GAD2: variants seen among roughly 807,000 people sequenced by gnomAD.
The protein encoded by GAD2 is glutamate decarboxylase 2, also known as 65 kDa glutamic acid decarboxylase.
In GAD2, 22 loss-of-function variants were observed where a neutral mutation model predicts 80.1. The observed-to-expected ratio is 0.27, with a 90% CI of 0.20 to 0.39. The LOEUF is 0.39. GAD2 is among the 10% of genes least tolerant of loss of function. GAD2 has a pLI of 1.00. For synonymous variants in GAD2, 274 were observed against 256.9 expected (o/e 1.07, Z -0.64); for missense variants, 624 against 738.4 (o/e 0.85, Z 1.80).
intron 13 of GAD2, among the ~76,000 whole-genome samples, chr10:26,287,291 C>G (rs893360578): frequency 6.6e-6 from 1 of 152,028 alleles, no homozygotes; most frequent in African/African-American, 2.4e-5. Context: ...ATAGAAACTC[C>G]AATGCAAAAA....
chr10:26,258,940 A>T (rs1844976580), intron 8 of GAD2, among the ~76,000 whole-genome samples: 1 of 151,960 alleles, frequency 6.6e-6, no homozygotes, highest in South Asian at 2.1e-4. Context: ...CAGCCTCCCA[A>T]GTACTTAGCT....
intron 10 of GAD2, among the ~76,000 whole-genome samples, chr10:26,272,104 T>C (rs1845144354): frequency 6.6e-6 from 1 of 152,158 alleles, no homozygotes; most frequent in Admixed American, 6.5e-5. Flanking sequence ...TCCACAGGCT[T>C]AGCTGGGTGC....
intron 8 of GAD2, among the ~76,000 whole-genome samples, chr10:26,254,435 G>T (rs892585625): frequency 3.9e-5 from 6 of 152,196 alleles, no homozygotes; most frequent in African/African-American, 1.2e-4. Flanking sequence ...GGGAATGCTG[G>T]CTCAGGGCTC....
At chr10:26,270,883 CT>C in intron 10 of GAD2, 127 bp downstream of exon 10, 1 of 732,328 alleles carries the variant, frequency 1.4e-6, no homozygotes, top group South Asian at 1.6e-5. Flanking sequence ...GATATTAAAG[CT>C]TTTAAAGCTG....
At chr10:26,247,501 G>A (rs182625991) in intron 8 of GAD2, among the ~76,000 whole-genome samples, 1 of 152,252 alleles carries the variant, frequency 6.6e-6, no homozygotes, top group Non-Finnish European at 1.5e-5. Flanking sequence ...GCCACAGGAG[G>A]AGGAATGAGC....
chr10:26,224,416 G>A (rs936841493), intron 5 of GAD2, 123 bp from the exon 6 acceptor site: 5 of 719,796 alleles, frequency 6.9e-6, no homozygotes, highest in Non-Finnish European at 1.2e-5. Context: ...TCTGCTTAAT[G>A]TTATAATCAT....
At chr10:26,283,644 A>T (rs1484650713) in intron 12 of GAD2, among the ~76,000 whole-genome samples, 1 of 152,172 alleles carries the variant, frequency 6.6e-6, no homozygotes, top group African/African-American at 2.4e-5. Context: ...CTTGGTACCA[A>T]ATTGTCCATG....
chr10:26,229,177 G>C (rs994112111), intron 6 of GAD2, among the ~76,000 whole-genome samples: 1 of 147,656 alleles, frequency 6.8e-6, no homozygotes, highest in Non-Finnish European at 1.5e-5. Flanking sequence ...CTGGGCGACA[G>C]AGTGAGACCC....
chr10:26,222,885 G>A (rs140621756), intron 4 of GAD2, among the ~76,000 whole-genome samples: 1 of 152,330 alleles, frequency 6.6e-6, no homozygotes, highest in African/African-American at 2.4e-5. Context: ...AGATGTCCAG[G>A]ATGTGGAAGA....
chr10:26,269,122 GA>G lies in GAD2; in HGVS notation c.928del (p.Met310Ter). On this transcript the variant is annotated frameshift_variant, in exon 9 of 16. Coordinates refer to ENST00000376261, the MANE Select transcript of GAD2 (RefSeq NM_001134366.2). LOFTEE classifies it high-confidence loss of function. ...VILIKCDERG[K>X]MIPSDLERRI... ...CTATATTTCTTTTTCCTTCCAGAGG[GA>G]AAATGATTCCATCTGATCTTGAAAG... The G allele has an allele frequency of 3.1e-6, 5 of 1,589,760 alleles. No individual in the cohort carries two copies. The highest frequency in any genetic ancestry group is 1.2e-5 in the South Asian group (1 of 85,352).
At chr10:26,224,705 G>C in intron 6 of GAD2, 54 bp downstream of exon 6, 1 of 1,266,566 alleles carries the variant, frequency 7.9e-7, no homozygotes, top group Non-Finnish European at 1.2e-6. Context: ...GCAATGCCTT[G>C]TTGTAAACCT....
At chr10:26,224,743 C>T in intron 6 of GAD2, 92 bp downstream of exon 6, 1 of 883,294 alleles carries the variant, frequency 1.1e-6, no homozygotes, top group East Asian at 2.5e-5. Context: ...TAGCCTATGC[C>T]TCTGCTTAGG....
At chr10:26,292,797 G>T in intron 14 of GAD2, 105 bp from the exon 15 acceptor site, 1 of 992,574 alleles carries the variant, frequency 1.0e-6, no homozygotes. Context: ...ATTGAAAAGT[G>T]GGAATTGTGT....
chr10:26,280,493 G>T (rs1589151696), intron 11 of GAD2, among the ~76,000 whole-genome samples: 2 of 152,096 alleles, frequency 1.3e-5, no homozygotes, highest in South Asian at 4.1e-4. Context: ...AGAGACAAAT[G>T]GTTGCATTCT....
upstream of GAD2, chr10:26,216,709 T>G: frequency 1.1e-6 from 1 of 930,178 alleles, no homozygotes; most frequent in African/African-American, 1.8e-5. This position sits in a 1 kb window ranked among gnomAD's most constrained non-coding sequence, Gnocchi z 4.7. Context: ...CGCGGTGCCC[T>G]CCTCCCGCCA....
Position 26,217,289 on chromosome 10 carries a change from A to C in GAD2, c.77-321A>C, listed in dbSNP as rs1844386535. Among the ~76,000 whole-genome samples, 1 of 152,192 alleles carries C rather than the reference A, an allele frequency of 6.6e-6. No homozygotes were observed. Reference sequence around the variant, plus strand: ...ATCTAGAAAGACAGTCTGCGAAAAAATGGATAGCTTCAGTGTTTAGGAAAA... The same window carrying C: ...ATCTAGAAAGACAGTCTGCGAAAAACTGGATAGCTTCAGTGTTTAGGAAAA... On this transcript the variant is annotated intron_variant, in intron 1 of 15. Coordinates refer to ENST00000376261, the MANE Select transcript of GAD2 (RefSeq NM_001134366.2). The surrounding 1 kb of genome is among the most constrained non-coding windows in gnomAD (Gnocchi z 4.9).
chr10:26,252,515 G>C (rs914767714), intron 8 of GAD2, among the ~76,000 whole-genome samples: 13 of 151,322 alleles, frequency 8.6e-5, no homozygotes, highest in African/African-American at 2.7e-4. Context: ...GCTAATTTTT[G>C]TATTTTTAGT....
intron 11 of GAD2, among the ~76,000 whole-genome samples, chr10:26,280,418 T>G (rs541838537): frequency 6.6e-6 from 1 of 152,220 alleles, no homozygotes; most frequent in East Asian, 1.9e-4. Flanking sequence ...AGATGAACAC[T>G]GGTTTGGTCT....
chr10:26,223,533 T>C (rs1022846893), intron 4 of GAD2, among the ~76,000 whole-genome samples: 1 of 152,102 alleles, frequency 6.6e-6, no homozygotes, highest in Non-Finnish European at 1.5e-5. Flanking sequence ...CATTTTAGCT[T>C]GCGAAAATAT....
Sources: allele counts gnomAD v4.1 joint callset (sites outside exome capture counted in the v4.1 genomes callset), GRCh38; gene constraint gnomAD v4.1.1; non-coding constraint Gnocchi (gnomAD v3.1); transcripts MANE v1.5; gene names NCBI Gene and HGNC (gene_info 2026-07-23, HGNC 2026-07-21).